The following SPAG16 variants were observed in gnomAD, a reference collection of about 807,000 sequenced individuals.
SPAG16 encodes sperm associated antigen 16.
SPAG16 carries 86 observed loss-of-function variants against 80.4 expected under a neutral mutation model. The ratio of observed to expected loss-of-function variants is 1.07; its 90% confidence interval spans 0.90 to 1.28. SPAG16 has a LOEUF of 1.28. SPAG16 is among the 50% of genes most tolerant of loss of function. The pLI is 0.00. For synonymous variants in SPAG16, 294 were observed against 265.9 expected (o/e 1.11, Z -1.03); for missense variants, 870 against 765.3 (o/e 1.14, Z -1.61).
chr2:213,917,013 G>C (rs534330597), intron 11 of SPAG16, among the ~76,000 whole-genome samples: 1 of 151,800 alleles, frequency 6.6e-6, no homozygotes, highest in Non-Finnish European at 1.5e-5. Context: ...TTTGCATCTG[G>C]CTAGCACATT....
chr2:213,304,539 T>G (rs1039901414), intron 3 of SPAG16, among the ~76,000 whole-genome samples: 1 of 152,146 alleles, frequency 6.6e-6, no homozygotes, highest in Admixed American at 6.6e-5. Context: ...TAATCCATTT[T>G]GATTTGATTT....
At chr2:214,258,430 G>T (rs1438700349) in intron 15 of SPAG16, among the ~76,000 whole-genome samples, 1 of 149,390 alleles carries the variant, frequency 6.7e-6, no homozygotes, top group Non-Finnish European at 1.5e-5. Context: ...TCTTTTTTAT[G>T]GCTGAGTAGT....
intron 10 of SPAG16, among the ~76,000 whole-genome samples, chr2:213,496,998 A>G (rs746517817): frequency 1.3e-5 from 2 of 151,778 alleles, no homozygotes; most frequent in Non-Finnish European, 2.9e-5. Flanking sequence ...CTTATACTCC[A>G]TTTAGCTTCA....
At chr2:214,193,427 G>GTGTGTGTGTGTGTGT (rs1491127730) in intron 15 of SPAG16, among the ~76,000 whole-genome samples, 32 of 74,726 alleles carry the variant, frequency 4.3e-4, no homozygotes, top group South Asian at 2.6e-3. Context: ...GTGTGTGTAT[G>GTGTGTGTGTGTGTGT]AGAGAGAGAG....
intron 15 of SPAG16, among the ~76,000 whole-genome samples, chr2:214,168,640 T>C (rs907331157): frequency 1.3e-5 from 2 of 152,082 alleles, no homozygotes; most frequent in Non-Finnish European, 2.9e-5. Flanking sequence ...CTTTCCTAAC[T>C]GAGGAAGCAA....
At chr2:213,885,774 T>C (rs1050923970) in intron 11 of SPAG16, among the ~76,000 whole-genome samples, 2 of 152,300 alleles carry the variant, frequency 1.3e-5, no homozygotes, top group Admixed American at 6.5e-5. Context: ...TGGCTTAATC[T>C]ATGAGATAAA....
chr2:213,976,839 G>GTTTT (rs1301491406), intron 12 of SPAG16, among the ~76,000 whole-genome samples: 1 of 151,982 alleles, frequency 6.6e-6, no homozygotes, highest in East Asian at 1.9e-4. Context: ...TTGTTTGTTT[G>GTTTT]TTTGTTTTTT....
At chr2:213,449,768 A>G (rs1008815760) in intron 9 of SPAG16, among the ~76,000 whole-genome samples, 2 of 152,236 alleles carry the variant, frequency 1.3e-5, no homozygotes, top group Non-Finnish European at 2.9e-5. Flanking sequence ...AGATACCTGC[A>G]CATACACCCT....
intron 10 of SPAG16, among the ~76,000 whole-genome samples, chr2:213,542,629 T>C (rs2125919692): frequency 6.6e-6 from 1 of 152,156 alleles, no homozygotes; most frequent in East Asian, 1.9e-4. Flanking sequence ...AAACAACAAA[T>C]ACTAAGTATA....
At chr2:213,530,510 A>C (rs373807229) in intron 10 of SPAG16, among the ~76,000 whole-genome samples, 1 of 152,222 alleles carries the variant, frequency 6.6e-6, no homozygotes, top group Non-Finnish European at 1.5e-5. Context: ...TAAAAAGTCA[A>C]GTAGGACCAG....
intron 10 of SPAG16, among the ~76,000 whole-genome samples, chr2:213,830,493 GT>G (rs1197387368): frequency 6.6e-6 from 1 of 152,094 alleles, no homozygotes; most frequent in Non-Finnish European, 1.5e-5. Flanking sequence ...TATAAAGGTG[GT>G]TTTTTTGTGT....
chr2:214,320,238 T>G (rs1696002059), intron 15 of SPAG16, among the ~76,000 whole-genome samples: 1 of 152,218 alleles, frequency 6.6e-6, no homozygotes, highest in African/African-American at 2.4e-5. Context: ...TGCCTGGAAA[T>G]GTTTACTCCA....
intron 13 of SPAG16, among the ~76,000 whole-genome samples, chr2:214,033,309 G>T (rs1457124323): frequency 6.6e-6 from 1 of 152,130 alleles, no homozygotes; most frequent in Non-Finnish European, 1.5e-5. Flanking sequence ...ATAGTTTTGT[G>T]GTTGAAAAAC....
In SPAG16 at chr2:213,773,909, CAAAT is replaced by C. The variant is rs1189144065; in HGVS notation, c.1071-88573_1071-88570del. Reference sequence around the variant, plus strand: ...GATAGACTCTTGTCTATCTGGTCCTCAAATAATCCAACCAAAAGAATTTCTTATA... The same window carrying C: ...GATAGACTCTTGTCTATCTGGTCCTCAATCCAACCAAAAGAATTTCTTATA... On this transcript the variant is annotated intron_variant, in intron 10 of 15. Coordinates refer to ENST00000331683, the MANE Select transcript of SPAG16 (RefSeq NM_024532.5). Among the ~76,000 whole-genome samples the C allele has an allele frequency of 2.6e-5, 4 of 152,270 alleles. No individual in the cohort carries two copies. The East Asian group carries it at 5.8e-4, about 22-fold the overall frequency.
chr2:213,354,545 T>C (rs1033303117), intron 7 of SPAG16, among the ~76,000 whole-genome samples: 2 of 152,120 alleles, frequency 1.3e-5, no homozygotes, highest in African/African-American at 4.8e-5. Context: ...CTCTCCAGCA[T>C]CTGTTGTTTC....
At chr2:213,593,958 G>T (rs900677551) in intron 10 of SPAG16, among the ~76,000 whole-genome samples, 23 of 150,602 alleles carry the variant, frequency 1.5e-4, no homozygotes, top group African/African-American at 5.4e-4. Flanking sequence ...TCTATTTTTA[G>T]TAGAGGCGGG....
At chr2:213,639,582 G>A (rs2125107597) in intron 10 of SPAG16, among the ~76,000 whole-genome samples, 1 of 152,098 alleles carries the variant, frequency 6.6e-6, no homozygotes, top group East Asian at 1.9e-4. Context: ...ATCCCTGCTA[G>A]CTTACAGGGT....
At chr2:213,305,053 A>G (rs951256919) in intron 3 of SPAG16, among the ~76,000 whole-genome samples, 2 of 152,038 alleles carry the variant, frequency 1.3e-5, no homozygotes, top group Admixed American at 6.6e-5. Context: ...GATTTCTTTC[A>G]TCAGTATTTT....
At chr2:213,597,642 A>G (rs2060927762) in intron 10 of SPAG16, among the ~76,000 whole-genome samples, 1 of 152,188 alleles carries the variant, frequency 6.6e-6, no homozygotes, top group African/African-American at 2.4e-5. Context: ...GAAATATAGT[A>G]GCTAAAGTCT....
Sources: allele counts gnomAD v4.1 joint callset (sites outside exome capture counted in the v4.1 genomes callset), GRCh38; gene constraint gnomAD v4.1.1; transcripts MANE v1.5; gene names NCBI Gene and HGNC (gene_info 2026-07-23, HGNC 2026-07-21).